The following JARID2 variants were observed in gnomAD, a reference collection of about 807,000 sequenced individuals.
JARID2 encodes the protein protein Jumonji.
In JARID2, 21 loss-of-function variants were observed where a neutral mutation model predicts 125.6. That is an observed-to-expected ratio of 0.17 (90% CI 0.12 to 0.24). The LOEUF (loss-of-function observed/expected upper bound fraction) is 0.24, where lower values mean the gene tolerates loss of function less well. Ranked by LOEUF, JARID2 falls within the 10% of genes least tolerant of loss-of-function variation. JARID2 has a pLI of 1.00. For synonymous variants in JARID2, 736 were observed against 661.6 expected (o/e 1.11, Z -1.73); for missense variants, 1,303 against 1,639.6 (o/e 0.79, Z 3.55).
chr6:15,416,980 A>T (rs1041943032), intron 3 of JARID2, among the ~76,000 whole-genome samples: 15 of 152,114 alleles, frequency 9.9e-5, no homozygotes, highest in Non-Finnish European at 1.5e-5. Flanking sequence ...ATGGTTATGG[A>T]GGTGAGGATT....
chr6:15,362,577 G>A (rs1763836860), intron 1 of JARID2, among the ~76,000 whole-genome samples: 1 of 152,188 alleles, frequency 6.6e-6, no homozygotes, highest in Non-Finnish European at 1.5e-5. Flanking sequence ...TGGTAGTTGT[G>A]TAGAAATTAA....
chr6:15,383,406 T>G (rs1487267820), intron 2 of JARID2, among the ~76,000 whole-genome samples: 4 of 151,948 alleles, frequency 2.6e-5, no homozygotes, highest in African/African-American at 9.7e-5. Flanking sequence ...CACTGGAAAT[T>G]ATCCCTCCTT....
At chr6:15,497,239 C>G (rs1021075763) in intron 7 of JARID2, 69 bp downstream of exon 7, 16 of 1,197,334 alleles carry the variant, frequency 1.3e-5, no homozygotes, top group Non-Finnish European at 1.6e-5. Flanking sequence ...AGTTCCCTCA[C>G]AGTCTTCACG....
intron 3 of JARID2, among the ~76,000 whole-genome samples, chr6:15,445,096 A>G (rs1043090959): frequency 4.6e-5 from 7 of 152,216 alleles, no homozygotes; most frequent in Non-Finnish European, 1.0e-4. Context: ...TTGAGTGCAC[A>G]GATAGCAATA....
intron 1 of JARID2, among the ~76,000 whole-genome samples, chr6:15,281,306 T>C (rs962909304): frequency 1.3e-5 from 2 of 152,260 alleles, no homozygotes; most frequent in Non-Finnish European, 2.9e-5. Flanking sequence ...TCTCACTCTT[T>C]ACTGCAGTTT....
chr6:15,302,396 CAG>C (rs1325780723), intron 1 of JARID2, among the ~76,000 whole-genome samples: 1 of 151,310 alleles, frequency 6.6e-6, no homozygotes, highest in Non-Finnish European at 1.5e-5. Flanking sequence ...TCCTGGGCGA[CAG>C]AGCGAGACTC....
intron 7 of JARID2, among the ~76,000 whole-genome samples, chr6:15,500,442 AC>A (rs1425076899): frequency 6.6e-6 from 1 of 152,110 alleles, no homozygotes; most frequent in African/African-American, 2.4e-5. Flanking sequence ...GGAGTTGGTA[AC>A]AAGCATGTGT....
At chr6:15,352,396 G>A (rs1763460895) in intron 1 of JARID2, among the ~76,000 whole-genome samples, 2 of 152,090 alleles carry the variant, frequency 1.3e-5, no homozygotes, top group African/African-American at 4.8e-5. Context: ...TCATTGGAGA[G>A]GAAGACTATT....
intron 3 of JARID2, among the ~76,000 whole-genome samples, chr6:15,444,417 C>T (rs770291244): frequency 2.0e-5 from 3 of 152,098 alleles, no homozygotes; most frequent in Non-Finnish European, 2.9e-5. Flanking sequence ...GTGGTTTGCT[C>T]GCAACCGCAC....
rs766258392 is a variant in JARID2, at chr6:15,521,645, T to C, written c.*1394T>C. 1 of 152,236 alleles carries C rather than the reference T, an allele frequency of 6.6e-6. No homozygotes were observed. The highest frequency in any genetic ancestry group is 2.4e-5 in the African/African-American group (1 of 41,458). 9.4% of individuals were successfully genotyped at this position (152,236 alleles called of 1,614,324 possible). A position where few individuals can be genotyped will look rare whatever the true frequency, so the allele number is the denominator to read the frequency against. On this transcript the variant is annotated 3_prime_UTR_variant, in exon 18 of 18. Transcript: ENST00000341776. ...GAAACTGTTTTCACAAGCTGTTCTTTGTTTCATAATTGGATTCATCAATCC... is the reference window on the plus strand; with the variant it reads ...GAAACTGTTTTCACAAGCTGTTCTTCGTTTCATAATTGGATTCATCAATCC...
chr6:15,400,932 C>T (rs1339660864), intron 2 of JARID2: 2 of 1,289,350 alleles, frequency 1.6e-6, no homozygotes, highest in African/African-American at 1.5e-5. Flanking sequence ...TGTCTCTCTG[C>T]AATGATCCGG....
At chr6:15,388,721 A>T (rs1354092053) in intron 2 of JARID2, among the ~76,000 whole-genome samples, 1 of 152,006 alleles carries the variant, frequency 6.6e-6, no homozygotes, top group Non-Finnish European at 1.5e-5. Flanking sequence ...CCTGCCATTG[A>T]CATCCAAGGA....
intron 1 of JARID2, among the ~76,000 whole-genome samples, chr6:15,307,172 G>A (rs1581394355): frequency 6.6e-6 from 1 of 151,990 alleles, no homozygotes; most frequent in Non-Finnish European, 1.5e-5. Flanking sequence ...AACCCCGGAG[G>A]TGGAGGTTGC....
intron 1 of JARID2, among the ~76,000 whole-genome samples, chr6:15,316,806 G>C (rs1424754868): frequency 1.3e-5 from 2 of 152,172 alleles, no homozygotes; most frequent in African/African-American, 2.4e-5. Context: ...CTGGCCCACT[G>C]CTATTGTTTT....
chr6:15,467,009 C>T (rs868070344), intron 4 of JARID2, among the ~76,000 whole-genome samples: 1 of 152,132 alleles, frequency 6.6e-6, no homozygotes, highest in East Asian at 1.9e-4. Flanking sequence ...GTCTTTTTGC[C>T]GACTGTATCC....
chr6:15,298,827 C>G lies in JARID2; in HGVS notation c.45+52243C>G, dbSNP rs976764280. Among the ~76,000 whole-genome samples the G allele has an allele frequency of 2.0e-5, 3 of 151,932 alleles. No homozygotes were observed. In the East Asian group the frequency reaches 5.8e-4, roughly 29 times the overall value. On this transcript the variant is annotated intron_variant, in intron 1 of 17. Transcript: ENST00000341776. The stretch of plus-strand genomic sequence containing the variant: ...GAAAATAAACTTTCATATTTTTACT[C>G]TCCATACTCAGTATAGTTTACATCT...
chr6:15,409,144 G>A (rs1765771649), intron 2 of JARID2, among the ~76,000 whole-genome samples: 1 of 152,120 alleles, frequency 6.6e-6, no homozygotes, highest in South Asian at 2.1e-4. Context: ...ATAGAACACT[G>A]TGTTCTACAT....
intron 3 of JARID2, among the ~76,000 whole-genome samples, chr6:15,442,277 C>T (rs1483875987): frequency 6.6e-6 from 1 of 151,998 alleles, no homozygotes; most frequent in African/African-American, 2.4e-5. Flanking sequence ...ATTTTAAAAA[C>T]TAAATAGGGA....
chr6:15,417,396 C>G (rs1766280014), intron 3 of JARID2, among the ~76,000 whole-genome samples: 1 of 152,176 alleles, frequency 6.6e-6, no homozygotes, highest in Non-Finnish European at 1.5e-5. Flanking sequence ...ACAGTAGTAA[C>G]TGCCTGATGG....
Sources: allele counts gnomAD v4.1 joint callset (sites outside exome capture counted in the v4.1 genomes callset), GRCh38; gene constraint gnomAD v4.1.1; transcripts MANE v1.5; gene names NCBI Gene and HGNC (gene_info 2026-07-23, HGNC 2026-07-21).